LAMA3: variants seen among roughly 807,000 people sequenced by gnomAD.
The protein encoded by LAMA3 is laminin subunit alpha 3.
Under a neutral mutation model 402.0 loss-of-function variants are expected in LAMA3, and 281 were observed. The ratio of observed to expected loss-of-function variants is 0.70; its 90% CI spans 0.63 to 0.77. The LOEUF (loss-of-function observed/expected upper bound fraction) is 0.77, where lower values mean the gene tolerates loss of function less well. Ranked by LOEUF, LAMA3 falls within the 30% of genes least tolerant of loss-of-function variation. The pLI is 0.00. For missense variants in LAMA3, 3,840 were observed against 4,215.5 expected (o/e 0.91, Z 2.47); for synonymous variants, 1,431 against 1,558.4 (o/e 0.92, Z 1.93).
intron 50 of LAMA3, 92 bp from the exon 51 acceptor site, chr18:23,904,461 A>AAAAT: frequency 7.4e-7 from 1 of 1,353,012 alleles, no homozygotes; most frequent in Middle Eastern, 2.6e-4. Context: ...AAAGAAAGAA[A>AAAAT]AAATAAAAAG....
At chr18:23,857,749 C>T (rs139727090) in intron 32 of LAMA3, 95 bp from the exon 33 acceptor site, 1 of 1,509,352 alleles carries the variant, frequency 6.6e-7, no homozygotes, top group Non-Finnish European at 9.2e-7. Context: ...ATTTAACTGG[C>T]TTTGCACACC....
rs1181742615 is a variant in LAMA3, at chr18:23,915,298, C to G, written c.7654C>G (p.Arg2552Gly). ...GYPPDFKLPS[R>G]LSFPPYKGCI... is the part of the protein sequence containing the mutation. ...TTTATTTCATTTTCAGCTTCCCAGT[C>G]GACTAAGTTTCCCTCCATACAAAGG... Residue 2552 changes from arginine (R) to glycine (G), a missense_variant, in exon 59 of 75, where the codon CGA becomes GGA. Around this residue, in one of 3 missense-constraint regions of LAMA3, gnomAD observed 840 missense variants for 981.9 expected, o/e 0.86. Coordinates refer to ENST00000313654, the MANE Select transcript of LAMA3 (RefSeq NM_198129.4). The G allele has an allele frequency of 6.2e-7, 1 of 1,613,532 alleles. No individual in the cohort carries two copies. Among genetic ancestry groups the G allele is most frequent in the South Asian group, 1.1e-5 (1 of 91,012 alleles).
At chr18:23,902,943 T>C (rs572209568) in intron 48 of LAMA3, 66 bp from the exon 49 acceptor site, 117 of 905,814 alleles carry the variant, frequency 1.3e-4, no homozygotes, top group South Asian at 1.2e-3. Context: ...TATTGTCCCA[T>C]AAATTTGTCT....
chr18:23,813,394 G>C (rs573853284), intron 14 of LAMA3, among the ~76,000 whole-genome samples: 55 of 152,182 alleles, frequency 3.6e-4, no homozygotes, highest in African/African-American at 1.3e-3. Flanking sequence ...CTGCATGTAA[G>C]TCTGACAAAC....
intron 13 of LAMA3, among the ~76,000 whole-genome samples, chr18:23,812,155 G>A (rs11082782): frequency 0.04 from 6,144 of 152,100 alleles, 379 homozygotes; most frequent in Admixed American, 0.16. Context: ...TTACAGGCGT[G>A]AGCCACCACT....
intron 6 of LAMA3, among the ~76,000 whole-genome samples, chr18:23,754,228 G>A (rs1048360275): frequency 5.9e-5 from 9 of 152,160 alleles, no homozygotes; most frequent in African/African-American, 1.7e-4. Context: ...ATTTTAAAGT[G>A]ACAGTTCAGT....
At chr18:23,873,220 C>T (rs752226006) in intron 38 of LAMA3, 2 of 1,613,572 alleles carry the variant, frequency 1.2e-6, no homozygotes, top group Admixed American at 1.7e-5. Flanking sequence ...AGCCAGGTAA[C>T]GTCCTTTTAA....
At chr18:23,697,446 A>G (rs531974034) in intron 1 of LAMA3, among the ~76,000 whole-genome samples, 1 of 152,224 alleles carries the variant, frequency 6.6e-6, no homozygotes, top group African/African-American at 2.4e-5. Context: ...AGGAGCCTCT[A>G]TTCTGGGGGC....
chr18:23,780,541 G>A (rs1415570920), intron 11 of LAMA3, among the ~76,000 whole-genome samples: 1 of 152,088 alleles, frequency 6.6e-6, no homozygotes, highest in African/African-American at 2.4e-5. Flanking sequence ...ATGGGATAGA[G>A]AGAGGAAGTT....
At chr18:23,892,263 C>T (rs765882309) in intron 42 of LAMA3, among the ~76,000 whole-genome samples, 1 of 152,102 alleles carries the variant, frequency 6.6e-6, no homozygotes, top group South Asian at 2.1e-4. Context: ...ATTTCCCCCA[C>T]GCCAGTAACA....
At chr18:23,835,395 A>G (rs1280796918) in intron 24 of LAMA3, among the ~76,000 whole-genome samples, 2 of 152,222 alleles carry the variant, frequency 1.3e-5, no homozygotes, top group Admixed American at 6.5e-5. Flanking sequence ...GAGTGGTTTC[A>G]AAACCAAAGA....
intron 19 of LAMA3, among the ~76,000 whole-genome samples, chr18:23,820,631 G>A (rs1003801673): frequency 1.6e-4 from 24 of 152,028 alleles, no homozygotes; most frequent in African/African-American, 5.8e-4. Context: ...GAACTTATAC[G>A]TCTTGCTACT....
At position 23,873,578 on chromosome 18, in the gene LAMA3, CG is replaced by C. The variant is rs539676102; in HGVS notation, c.4998+1924del. Among the ~76,000 whole-genome samples, 9 of 152,122 alleles carry C rather than the reference CG, an allele frequency of 5.9e-5. 1 individual carries two copies. In the South Asian group the frequency reaches 1.9e-3, roughly 32 times the overall value. On this transcript the variant is annotated intron_variant, in intron 38 of 74. Coordinates refer to ENST00000313654, the MANE Select transcript of LAMA3 (RefSeq NM_198129.4). ...TGCTACTTGGAAGAAAATTTACCCA[CG>C]GGGGGGAGAAAATGGGAAAGAGTGA...
intron 1 of LAMA3, among the ~76,000 whole-genome samples, chr18:23,712,906 G>A (rs1459875746): frequency 1.3e-5 from 2 of 151,804 alleles, no homozygotes; most frequent in East Asian, 3.9e-4. Flanking sequence ...GGAGCAGATA[G>A]TTCAGTATGT....
intron 72 of LAMA3, 116 bp downstream of exon 72, chr18:23,950,275 C>T (rs1028084535): frequency 3.4e-6 from 4 of 1,162,490 alleles, no homozygotes; most frequent in South Asian, 1.3e-5. Context: ...ATTTAAGAGC[C>T]TTGACTTCAG....
At chr18:23,724,715 G>A (rs1272042402) in intron 2 of LAMA3, among the ~76,000 whole-genome samples, 1 of 152,094 alleles carries the variant, frequency 6.6e-6, no homozygotes, top group Non-Finnish European at 1.5e-5. Flanking sequence ...TTTAAATCAT[G>A]GCCATTTTCC....
intron 13 of LAMA3, among the ~76,000 whole-genome samples, chr18:23,811,739 G>A (rs142784687): frequency 2.2e-4 from 33 of 152,238 alleles, no homozygotes; most frequent in African/African-American, 7.2e-4. Flanking sequence ...AAGAAAGAGA[G>A]GGCAGGGTGG....
chr18:23,942,148 A>G (rs927432199), intron 68 of LAMA3, among the ~76,000 whole-genome samples: 3 of 152,228 alleles, frequency 2.0e-5, no homozygotes, highest in Admixed American at 6.5e-5. Context: ...TTCTGCCTCC[A>G]AATTTCCCAT....
At chr18:23,927,326 G>A (rs180973662) in intron 62 of LAMA3, among the ~76,000 whole-genome samples, 62 of 152,202 alleles carry the variant, frequency 4.1e-4, no homozygotes, top group Middle Eastern at 3.4e-3. Flanking sequence ...CTGCCACCAC[G>A]TCCAGCTAAT....
Sources: gnomAD v4.1 joint callset for allele counts (sites outside exome capture counted in the v4.1 genomes callset) on GRCh38, gnomAD v4.1.1 for gene constraint, gnomAD v4.1.1 regional missense constraint, MANE v1.5 for transcripts, NCBI Gene and HGNC (gene_info 2026-07-23, HGNC 2026-07-21) for gene names.